SV2B: variants seen among roughly 807,000 people sequenced by gnomAD.
SV2B encodes the protein synaptic vesicle glycoprotein 2B.
SV2B carries 41 observed loss-of-function variants against 73.9 expected under a neutral mutation model. The ratio of observed to expected loss-of-function variants is 0.56; its 90% CI spans 0.43 to 0.72. The LOEUF (loss-of-function observed/expected upper bound fraction) is 0.72, where lower values mean the gene tolerates loss of function less well. Ranked by LOEUF, SV2B falls within the 30% of genes least tolerant of loss-of-function variation. The pLI is 0.00. For synonymous variants in SV2B, 314 were observed against 314.2 expected, an observed-to-expected ratio of 1.00 and a Z score of 0.01; for missense variants, 764 against 857.8, an observed-to-expected ratio of 0.89 and a Z score of 1.37.
intron 1 of SV2B, among the ~76,000 whole-genome samples, chr15:91,218,050 G>T (rs1458520948): frequency 6.6e-6 from 1 of 152,180 alleles, no homozygotes; most frequent in African/African-American, 2.4e-5. Flanking sequence ...TAGTGGCTGA[G>T]ACCCCTATAA....
In SV2B at chr15:91,283,141, C is replaced by G. The variant is rs372572814; in HGVS notation, c.1508-880C>G. ...AGCAGCAGGGCCAGCTCCCCAAACG[C>G]AGGTTTCTAGGGAGCCTGTTTAGTA... is the stretch of plus-strand genomic sequence containing the variant. On this transcript the variant is annotated intron_variant, in intron 10 of 12. Coordinates refer to ENST00000394232, the MANE Select transcript of SV2B (RefSeq NM_001323032.3). This position sits in a 1 kb window ranked among gnomAD's most constrained non-coding sequence, Gnocchi z 4.3. Among the ~76,000 whole-genome samples, 1 of 152,194 alleles carries G rather than the reference C, an allele frequency of 6.6e-6. No individual in the cohort carries two copies.
chr15:91,226,525 G>A lies in SV2B; in HGVS notation c.262G>A (p.Glu88Lys), dbSNP rs764440020. 3 of 1,614,212 alleles carry A rather than the reference G, an allele frequency of 1.9e-6. No individual in the cohort carries two copies. In the South Asian group the frequency reaches 3.3e-5, roughly 18 times the overall value. The stretch of plus-strand genomic sequence containing the variant: ...CCTGATGGCTGAGAGGCTGGAAGAT[G>A]AGGAGCAGTTGGCCCACCAGTACGA... ...TDLMAERLED[E>K]EQLAHQYETI... The change falls in exon 2 of 13, where the codon GAG (glutamate) becomes AAG (lysine). Residue 88 changes from glutamate (E) to lysine (K), a missense_variant. Physicochemically the swap from Glu to Lys is moderately conservative, Grantham distance 56 (BLOSUM62 1). Coordinates refer to ENST00000394232, the MANE Select transcript of SV2B (RefSeq NM_001323032.3).
Position 91,191,416 on chromosome 15 carries a change from T to TC in SV2B, c.-391-34450dup, listed in dbSNP as rs1042217048. ...CCCTGATACATCATCAAGTTATTAA[T>TC]CCCCCCCACCTTCATATCGAAGTAC... On this transcript the variant is annotated intron_variant, in intron 1 of 12. Transcript: ENST00000394232. 9.2e-5 allele frequency among the ~76,000 whole-genome samples: 14 copies of TC among 151,860 alleles called. No homozygotes were observed. The East Asian group carries it at 1.2e-3, about 13-fold the overall frequency.
rs990503575 is a variant in SV2B, at chr15:91,223,528, A to G, written c.-391-2345A>G. On this transcript the variant is annotated intron_variant, in intron 1 of 12. Transcript: ENST00000394232. This position sits in a 1 kb window ranked among gnomAD's most constrained non-coding sequence, Gnocchi z 4.6. ...GGTGAGTCCCACAAGTGCTTTTGGA[A>G]TTGCAAGTCTATCATTTCTGGTTCA... 6.6e-6 allele frequency among the ~76,000 whole-genome samples: 1 copy of G among 152,096 alleles called. No homozygotes were observed. Among genetic ancestry groups the G allele is most frequent in the Non-Finnish European group, 1.5e-5 (1 of 68,008 alleles).
intron 5 of SV2B, among the ~76,000 whole-genome samples, chr15:91,259,251 C>A (rs1596716776): frequency 6.6e-6 from 1 of 152,200 alleles, no homozygotes; most frequent in African/African-American, 2.4e-5. Context: ...AGCCACCAGA[C>A]AGCTGCATCT....
In SV2B at chr15:91,265,091, G is replaced by A. The variant is rs1366292008; in HGVS notation, c.1009-1491G>A. On this transcript the variant is annotated intron_variant, in intron 6 of 12. Coordinates refer to ENST00000394232, the MANE Select transcript of SV2B (RefSeq NM_001323032.3). This position sits in a 1 kb window ranked among gnomAD's most constrained non-coding sequence, Gnocchi z 4.2. ...CAGCCTGTGGTTGGCGGTCAGGGGC[G>A]GGTACTCAGCCCAGCTTGAAGGTGT... is the stretch of plus-strand genomic sequence containing the variant. Among the ~76,000 whole-genome samples the A allele has an allele frequency of 6.6e-6, 1 of 152,200 alleles. No individual in the cohort carries two copies. Among genetic ancestry groups the A allele is most frequent in the Non-Finnish European group, 1.5e-5 (1 of 68,032 alleles).
intron 1 of SV2B, among the ~76,000 whole-genome samples, chr15:91,102,516 G>C (rs183470962): frequency 6.6e-6 from 1 of 152,208 alleles, no homozygotes; most frequent in African/African-American, 2.4e-5. Context: ...CATTCATTAA[G>C]TTCCTACTAT....
Position 91,258,894 on chromosome 15 carries a change from C to G in SV2B, c.918+340C>G, listed in dbSNP as rs1318500650. 3.4e-5 allele frequency among the ~76,000 whole-genome samples: 5 copies of G among 148,228 alleles called. No homozygotes were observed. Among genetic ancestry groups the G allele is most frequent in the African/African-American group, 1.3e-4 (5 of 39,912 alleles). Reference sequence around the variant, plus strand: ...GGTCCTGATTAGGAAGTTTTTTAGCCTGGGCTACACAGGGAGACCTCATCT... The same window carrying G: ...GGTCCTGATTAGGAAGTTTTTTAGCGTGGGCTACACAGGGAGACCTCATCT... On this transcript the variant is annotated intron_variant, in intron 5 of 12. Transcript: ENST00000394232. The surrounding 1 kb of genome is among the most constrained non-coding windows in gnomAD (Gnocchi z 4.7).
chr15:91,155,627 G>A (rs1040459127), intron 1 of SV2B, among the ~76,000 whole-genome samples: 1 of 152,112 alleles, frequency 6.6e-6, no homozygotes, highest in Non-Finnish European at 1.5e-5. Flanking sequence ...AGATCCGAGG[G>A]TCAGGGCTGG....
intron 1 of SV2B, among the ~76,000 whole-genome samples, chr15:91,178,149 T>C (rs1198618534): frequency 6.6e-6 from 1 of 151,612 alleles, no homozygotes; most frequent in African/African-American, 2.4e-5. Flanking sequence ...ATTGAGATAA[T>C]CATGTGGTTT....
Position 91,268,468 on chromosome 15 carries a change from T to A in SV2B, c.1236T>A (p.Pro412=). 6.2e-7 allele frequency: 1 copy of A among 1,614,032 alleles called. No individual in the cohort carries two copies. The highest frequency in any genetic ancestry group is 1.1e-5 in the South Asian group (1 of 91,074). The change falls in exon 9 of 13, where the codon CCT becomes CCA. Residue 412 remains proline, a synonymous_variant. Coordinates refer to ENST00000394232, the MANE Select transcript of SV2B (RefSeq NM_001323032.3). This position sits in a 1 kb window ranked among gnomAD's most constrained non-coding sequence, Gnocchi z 4.4. ...FSYYGLTVWF[P]DMIRYFQDEE... ...ACTATGGACTGACAGTTTGGTTTCC[T>A]GATATGATCCGCTATTTTCAAGATG... is the stretch of plus-strand genomic sequence containing the variant.
chr15:91,209,522 C>T (rs1464877991), intron 1 of SV2B, among the ~76,000 whole-genome samples: 1 of 152,164 alleles, frequency 6.6e-6, no homozygotes, highest in East Asian at 1.9e-4. Context: ...ATAGGAAAGC[C>T]AAACAGTTGA....
intron 1 of SV2B, among the ~76,000 whole-genome samples, chr15:91,184,217 T>C (rs2044689710): frequency 6.6e-6 from 1 of 152,156 alleles, no homozygotes; most frequent in South Asian, 2.1e-4. Flanking sequence ...AAGCAACCTT[T>C]TGGCAAGCAA....
chr15:91,282,613 A>G (rs1038801766), intron 10 of SV2B, among the ~76,000 whole-genome samples: 2 of 152,194 alleles, frequency 1.3e-5, no homozygotes, highest in Non-Finnish European at 2.9e-5. Flanking sequence ...AACTTGCTCA[A>G]GGCCGTGGTT....
intron 1 of SV2B, among the ~76,000 whole-genome samples, chr15:91,153,830 G>T (rs931751616): frequency 2.0e-5 from 3 of 149,032 alleles, no homozygotes; most frequent in Admixed American, 1.3e-4. Flanking sequence ...CAGGGGCAGG[G>T]GACAGTAACA....
At chr15:91,255,435 A>G (rs1406685971) in intron 4 of SV2B, among the ~76,000 whole-genome samples, 2 of 152,210 alleles carry the variant, frequency 1.3e-5, no homozygotes, top group African/African-American at 4.8e-5. Context: ...ATGCAAAGGC[A>G]TAAGAATGAC....
chr15:91,134,341 G>A (rs998117034), intron 1 of SV2B, among the ~76,000 whole-genome samples: 2 of 151,934 alleles, frequency 1.3e-5, no homozygotes, highest in African/African-American at 4.8e-5. Context: ...TCTTTCCCAG[G>A]GACCTCTTTG....
chr15:91,109,894 C>T (rs2041991719), intron 1 of SV2B, among the ~76,000 whole-genome samples: 1 of 152,048 alleles, frequency 6.6e-6, no homozygotes. Context: ...TCCCACCATA[C>T]CTGGCTAATT....
intron 1 of SV2B, among the ~76,000 whole-genome samples, chr15:91,190,538 G>A (rs1338037504): frequency 6.6e-6 from 1 of 152,006 alleles, no homozygotes; most frequent in Admixed American, 6.5e-5. Context: ...ATACTTATTT[G>A]GAGTGCCTTC....
Sources: gnomAD v4.1 joint callset for allele counts (sites outside exome capture counted in the v4.1 genomes callset) on GRCh38, gnomAD v4.1.1 for gene constraint, Gnocchi (gnomAD v3.1) non-coding constraint, MANE v1.5 for transcripts, NCBI Gene and HGNC (gene_info 2026-07-23, HGNC 2026-07-21) for gene names.